Variants in FIP1L1 observed in about 807,000 individuals in gnomAD.
FIP1L1 encodes the protein pre-mRNA 3'-end-processing factor FIP1.
FIP1L1 carries 21 observed loss-of-function variants against 84.6 expected under a neutral mutation model. That is an observed-to-expected ratio of 0.25 (90% CI 0.18 to 0.36). FIP1L1 has a LOEUF of 0.36. FIP1L1 is among the 10% of genes least tolerant of loss of function. The probability of loss-of-function intolerance (pLI) is 1.00; values close to 1 mark genes in which losing one functional copy is unlikely to be tolerated. For synonymous variants in FIP1L1, 263 were observed against 242.3 expected (o/e 1.09, Z -0.80); for missense variants, 526 against 751.1 (o/e 0.70, Z 3.50).
At chr4:53,389,261 A>G (rs1742840733) in intron 5 of FIP1L1, among the ~76,000 whole-genome samples, 1 of 152,238 alleles carries the variant, frequency 6.6e-6, no homozygotes, top group South Asian at 2.1e-4. Context: ...CTGAAAGGCC[A>G]CTAGATTTGA....
At chr4:53,381,537 G>C (rs1166022851) in intron 3 of FIP1L1, among the ~76,000 whole-genome samples, 3 of 152,060 alleles carry the variant, frequency 2.0e-5, no homozygotes, top group African/African-American at 7.2e-5. Flanking sequence ...GCAAGCAGTA[G>C]AACAATGAAA....
At chr4:53,443,888 AAAC>A (rs753578434) in intron 14 of FIP1L1, among the ~76,000 whole-genome samples, 157 bp from the exon 15 acceptor site, 20 of 152,198 alleles carry the variant, frequency 1.3e-4, no homozygotes, top group Non-Finnish European at 2.2e-4. Flanking sequence ...AGGTTAAAAA[AAAC>A]CCCATGTTTT....
intron 9 of FIP1L1, among the ~76,000 whole-genome samples, chr4:53,395,373 T>C (rs759953139): frequency 5.9e-5 from 9 of 152,186 alleles, no homozygotes; most frequent in Admixed American, 6.5e-5. Context: ...ACCTCTCTCT[T>C]TCTCTTTTAA....
chr4:53,437,622 A>G (rs1247840759), intron 13 of FIP1L1, among the ~76,000 whole-genome samples: 1 of 152,008 alleles, frequency 6.6e-6, no homozygotes, highest in Non-Finnish European at 1.5e-5. Context: ...CTGAATCAGA[A>G]ATTCTAGGGG....
At chr4:53,426,741 T>G (rs1017265907) in intron 12 of FIP1L1, among the ~76,000 whole-genome samples, 96 of 152,298 alleles carry the variant, frequency 6.3e-4, no homozygotes, top group African/African-American at 2.3e-3. Context: ...AAAATATGAT[T>G]AAAATATCTT....
intron 11 of FIP1L1, among the ~76,000 whole-genome samples, chr4:53,423,874 G>A (rs1040763654): frequency 6.6e-6 from 1 of 152,090 alleles, no homozygotes; most frequent in Non-Finnish European, 1.5e-5. Flanking sequence ...CCATATTTAA[G>A]GTACATTTTA....
At chr4:53,382,758 C>T (rs184451501) in intron 4 of FIP1L1, among the ~76,000 whole-genome samples, 2 of 152,218 alleles carry the variant, frequency 1.3e-5, no homozygotes, top group East Asian at 3.9e-4. Flanking sequence ...TATCATTGGT[C>T]CTATGAATAT....
chr4:53,416,889 G>A (rs1473439711), intron 11 of FIP1L1, among the ~76,000 whole-genome samples: 6 of 152,042 alleles, frequency 3.9e-5, no homozygotes, highest in Non-Finnish European at 5.9e-5. Flanking sequence ...ACTTGAACCC[G>A]GGAGGTGGAG....
At chr4:53,439,892 A>G (rs1204748059) in intron 13 of FIP1L1, among the ~76,000 whole-genome samples, 1 of 152,032 alleles carries the variant, frequency 6.6e-6, no homozygotes, top group Non-Finnish European at 1.5e-5. Flanking sequence ...TTAAAAATAT[A>G]CATAGTTTAT....
rs775653932 is a variant in FIP1L1 at position 53,419,494 on chromosome 4, G to GT, written c.923+4773dup. 2.6e-5 allele frequency among the ~76,000 whole-genome samples: 4 copies of GT among 152,254 alleles called. No individual in the cohort carries two copies. In the East Asian group the frequency reaches 7.7e-4, roughly 29 times the overall value. ...TCTCACTCTGTTTCCCAGGTTGAGT[G>GT]TAGTGGTGGGATCATAGCTCCCTGC... On this transcript the variant is annotated intron_variant, in intron 11 of 17. Transcript: ENST00000337488.
At chr4:53,378,074 C>A in intron 1 of FIP1L1, 151 bp downstream of exon 1, 1 of 625,258 alleles carries the variant, frequency 1.6e-6, no homozygotes, top group South Asian at 3.2e-5. Context: ...GCGGCGTGCG[C>A]GTGCCCCCAG....
At chr4:53,390,271 T>A (rs1743525745) in intron 6 of FIP1L1, among the ~76,000 whole-genome samples, 1 of 152,118 alleles carries the variant, frequency 6.6e-6, no homozygotes, top group Admixed American at 6.6e-5. Context: ...AAAGAGTAAT[T>A]TTTGACCGTA....
At chr4:53,420,869 GAAAT>G (rs1447087350) in intron 11 of FIP1L1, among the ~76,000 whole-genome samples, 5 of 152,078 alleles carry the variant, frequency 3.3e-5, no homozygotes, top group African/African-American at 7.2e-5. Context: ...AATTTTTCTT[GAAAT>G]AAATATTAAT....
In FIP1L1 at chr4:53,459,395, G is replaced by C. The variant is rs751358491; in HGVS notation, c.1731G>C (p.Ala577=). ...AAAGAAGCAAAGAAGGAAAAGAAGC[G>C]GGCAGTGAGCCTGCCCCTGAACAGG... The part of the protein sequence containing the change: ...KSKRSKEGKE[A]GSEPAPEQES... Residue 577 remains alanine (A), a synonymous_variant, in exon 18 of 18, where the codon GCG becomes GCC. Transcript: ENST00000337488. 2 of 1,612,468 alleles carry C rather than the reference G, an allele frequency of 1.2e-6. No individual in the cohort carries two copies. The highest frequency in any genetic ancestry group is 1.7e-6 in the Non-Finnish European group (2 of 1,179,516).
intron 11 of FIP1L1, among the ~76,000 whole-genome samples, chr4:53,417,658 A>AG (rs1553917468): frequency 6.7e-6 from 1 of 150,276 alleles, no homozygotes; most frequent in African/African-American, 2.4e-5. Flanking sequence ...AAAAAAAAAA[A>AG]AAAAAAAAGA....
At chr4:53,394,440 G>A (rs1382678032) in intron 9 of FIP1L1, among the ~76,000 whole-genome samples, 1 of 152,054 alleles carries the variant, frequency 6.6e-6, no homozygotes, top group Non-Finnish European at 1.5e-5. Flanking sequence ...GTATTTTTAG[G>A]TGTTTTTCTT....
intron 10 of FIP1L1, among the ~76,000 whole-genome samples, chr4:53,410,232 G>T (rs982629228): frequency 6.6e-6 from 1 of 152,188 alleles, no homozygotes; most frequent in African/African-American, 2.4e-5. Context: ...TCATGAGGAT[G>T]ATTTTTTTGA....
At chr4:53,386,704 G>A (rs958880010) in intron 5 of FIP1L1, among the ~76,000 whole-genome samples, 1 of 152,192 alleles carries the variant, frequency 6.6e-6, no homozygotes, top group African/African-American at 2.4e-5. Context: ...ATGGCTGGAG[G>A]ATAAGGTAGA....
At chr4:53,432,398 CAAAAAAAAAAAAAAAA>C (rs35596754) in intron 13 of FIP1L1, among the ~76,000 whole-genome samples, 7 of 68,406 alleles carry the variant, frequency 1.0e-4, no homozygotes, top group Admixed American at 2.1e-4. Context: ...AACTCCATCT[CAAAAAAAAAAAAAAAA>C]AAAAAAAAAA....
Sources: allele counts gnomAD v4.1 joint callset (sites outside exome capture counted in the v4.1 genomes callset), GRCh38; gene constraint gnomAD v4.1.1; transcripts MANE v1.5; gene names NCBI Gene and HGNC (gene_info 2026-07-23, HGNC 2026-07-21).